The following PLXNA2 variants were observed in gnomAD, a reference collection of about 807,000 sequenced individuals.
The protein encoded by PLXNA2 is plexin-A2.
A neutral mutation model predicts 193.5 loss-of-function variants in PLXNA2; 91 were observed. The observed-to-expected ratio is 0.47, with a 90% CI of 0.40 to 0.56. PLXNA2 has a LOEUF of 0.56. PLXNA2 is among the 20% of genes least tolerant of loss of function. The probability of loss-of-function intolerance (pLI) is 0.00; values close to 1 mark genes in which losing one functional copy is unlikely to be tolerated. For missense variants in PLXNA2, 1,995 were observed against 2,503.2 expected, an observed-to-expected ratio of 0.80 and a Z score of 4.33; for synonymous variants, 997 against 1,027.3, an observed-to-expected ratio of 0.97 and a Z score of 0.56.
chr1:208,106,422 A>G (rs550250714), intron 4 of PLXNA2, among the ~76,000 whole-genome samples: 1 of 152,370 alleles, frequency 6.6e-6, no homozygotes, highest in East Asian at 1.9e-4. Context: ...CAGGCTAGCA[A>G]TAAAAAGAAG....
chr1:208,168,251 C>T (rs772247221), intron 3 of PLXNA2, among the ~76,000 whole-genome samples: 3 of 152,228 alleles, frequency 2.0e-5, no homozygotes, highest in Non-Finnish European at 4.4e-5. Context: ...TATATAGCCA[C>T]ATCTGGATAG....
chr1:208,042,486 C>T, intron 21 of PLXNA2, 120 bp from the exon 22 acceptor site: 1 of 1,014,056 alleles, frequency 9.9e-7, no homozygotes, highest in Non-Finnish European at 1.5e-6. Flanking sequence ...TGTTTGAGGC[C>T]TATAACCAAC....
chr1:208,174,275 G>A (rs769467791), intron 3 of PLXNA2, among the ~76,000 whole-genome samples: 1 of 152,156 alleles, frequency 6.6e-6, no homozygotes, highest in Non-Finnish European at 1.5e-5. Context: ...GCAGCCAATG[G>A]TTGTGTGTGG....
chr1:208,058,888 A>G (rs1282134379), intron 13 of PLXNA2, among the ~76,000 whole-genome samples: 7 of 152,204 alleles, frequency 4.6e-5, no homozygotes, highest in Non-Finnish European at 1.5e-5. Flanking sequence ...ACAGCTTGCT[A>G]AGGTCTTGGG....
Position 208,070,599 on chromosome 1 carries a change from G to C in PLXNA2, c.2586+8661C>G, listed in dbSNP as rs545402242. On this transcript the variant is annotated intron_variant, in intron 12 of 31. Coordinates refer to ENST00000367033, the MANE Select transcript of PLXNA2 (RefSeq NM_025179.4). ...AGCTCAGGAAAGAGATGAAGGACTG[G>C]TTTGACACTGGTCAAACACAGGGGC... 1.8e-4 allele frequency among the ~76,000 whole-genome samples: 28 copies of C among 152,322 alleles called. 2 individuals are homozygous for C. The highest frequency in any genetic ancestry group is 6.5e-4 in the African/African-American group (27 of 41,578).
At chr1:208,045,020 G>A in intron 19 of PLXNA2, 47 bp downstream of exon 19, 9 of 1,609,738 alleles carry the variant, frequency 5.6e-6, no homozygotes, top group Non-Finnish European at 6.8e-6. Context: ...GATCACACAT[G>A]CACCACGAGG....
intron 4 of PLXNA2, among the ~76,000 whole-genome samples, chr1:208,138,618 C>T (rs147079652): frequency 1.3e-5 from 2 of 152,356 alleles, no homozygotes; most frequent in South Asian, 2.1e-4. Flanking sequence ...GGCGCAGTGG[C>T]GCACGCTTGT....
At chr1:208,126,402 C>T (rs1290011981) in intron 4 of PLXNA2, among the ~76,000 whole-genome samples, 4 of 152,196 alleles carry the variant, frequency 2.6e-5, no homozygotes, top group South Asian at 4.1e-4. Context: ...TTTCTGCACA[C>T]TAGTCTCTAG....
chr1:208,086,789 CA>C (rs11355579), intron 9 of PLXNA2, among the ~76,000 whole-genome samples: 45,741 of 125,378 alleles, frequency 0.36, 7,785 homozygotes, highest in East Asian at 0.53. Context: ...TATTTATAGC[CA>C]AAAAAAAAAA....
At chr1:208,222,596 C>T (rs1671373950) in intron 1 of PLXNA2, among the ~76,000 whole-genome samples, 1 of 152,164 alleles carries the variant, frequency 6.6e-6, no homozygotes, top group South Asian at 2.1e-4. Context: ...CTGATACCTT[C>T]CTGATCAGCT....
intron 3 of PLXNA2, among the ~76,000 whole-genome samples, chr1:208,190,976 G>A (rs1670160031): frequency 6.6e-6 from 1 of 152,196 alleles, no homozygotes; most frequent in South Asian, 2.1e-4. Context: ...GTGCAGACCT[G>A]CCATCTGCTG....
Position 208,078,726 on chromosome 1 carries a change from C to T in PLXNA2, c.2586+534G>A, listed in dbSNP as rs145824156. Among the ~76,000 whole-genome samples the T allele has an allele frequency of 8.8e-3, 1,345 of 152,256 alleles. 12 individuals carry two copies. Among genetic ancestry groups the T allele is most frequent in the South Asian group, 0.045 (215 of 4,816 alleles). ...TATTTTGGAAACATCATTTTTTCCC[C>T]AGGATAATTAACTTCCTTTTCTTTC... is the stretch of plus-strand genomic sequence containing the variant. On this transcript the variant is annotated intron_variant, in intron 12 of 31. Transcript: ENST00000367033.
chr1:208,092,612 C>G (rs1373129320), intron 9 of PLXNA2, among the ~76,000 whole-genome samples, 174 bp downstream of exon 9: 2 of 152,190 alleles, frequency 1.3e-5, no homozygotes, highest in Non-Finnish European at 2.9e-5. Flanking sequence ...TCATTTGCTG[C>G]TACTTTTTTG....
chr1:208,145,304 T>C (rs1301398896), intron 3 of PLXNA2, among the ~76,000 whole-genome samples: 1 of 152,150 alleles, frequency 6.6e-6, no homozygotes, highest in Non-Finnish European at 1.5e-5. Flanking sequence ...TCCAGGGAGA[T>C]TTAAGCCTCC....
At chr1:208,098,815 CT>C (rs1360897182) in intron 6 of PLXNA2, 30 bp downstream of exon 6, 12 of 1,609,894 alleles carry the variant, frequency 7.5e-6, no homozygotes, top group Non-Finnish European at 1.0e-5. Flanking sequence ...ACTGTATTCC[CT>C]CTCCCCATGC....
intron 3 of PLXNA2, among the ~76,000 whole-genome samples, chr1:208,160,140 C>A (rs1244321321): frequency 6.6e-6 from 1 of 152,236 alleles, no homozygotes; most frequent in African/African-American, 2.4e-5. Flanking sequence ...CCACCAGAGC[C>A]TCCCTCACTC....
In PLXNA2 at chr1:208,046,028, G is replaced by T. The variant is rs1488386995; in HGVS notation, c.3345C>A (p.Arg1115=). The T allele has an allele frequency of 1.2e-6, 2 of 1,614,124 alleles. No individual in the cohort carries two copies. The highest frequency in any genetic ancestry group is 1.7e-6 in the Non-Finnish European group (2 of 1,180,052). ...DYRPGLDTVE[R]PDEFGFVFNN... The stretch of plus-strand genomic sequence containing the variant: ...TAAAGACAAATCCAAACTCATCTGG[G>T]CGTTCCACAGTGTCCAGGCCAGGGC... Residue 1115 remains arginine (R), a synonymous_variant, in exon 18 of 32, where the codon CGC becomes CGA. Transcript: ENST00000367033.
intron 3 of PLXNA2, among the ~76,000 whole-genome samples, chr1:208,188,978 T>C (rs1211423079): frequency 6.6e-6 from 1 of 152,164 alleles, no homozygotes; most frequent in Non-Finnish European, 1.5e-5. Context: ...TAAGCCACCT[T>C]AGGATGGAAA....
chr1:208,155,509 T>C (rs546658926), intron 3 of PLXNA2, among the ~76,000 whole-genome samples: 30 of 152,136 alleles, frequency 2.0e-4, no homozygotes, highest in African/African-American at 7.0e-4. Context: ...CTTAAAAGAG[T>C]GCTCCACCTC....
Sources: gnomAD v4.1 joint callset for allele counts (sites outside exome capture counted in the v4.1 genomes callset) on GRCh38, gnomAD v4.1.1 for gene constraint, MANE v1.5 for transcripts, NCBI Gene and HGNC (gene_info 2026-07-23, HGNC 2026-07-21) for gene names.